MATN2: variants seen among roughly 807,000 people sequenced by gnomAD.
MATN2 encodes the protein matrilin 2.
MATN2 carries 69 observed loss-of-function variants against 103.2 expected under a neutral mutation model. That is an observed-to-expected ratio of 0.67 (90% CI 0.55 to 0.82). The LOEUF is 0.82. Among genes scored for constraint, MATN2 ranks in the 40% least tolerant of loss-of-function variants. The pLI, the probability that MATN2 is intolerant of heterozygous loss-of-function variation, is 0.00. For missense variants in MATN2, 1,023 were observed against 1,211.5 expected (o/e 0.84, Z 2.31); for synonymous variants, 429 against 450.2 (o/e 0.95, Z 0.60).
At chr8:97,964,934 A>G (rs561992926) in intron 5 of MATN2, among the ~76,000 whole-genome samples, 1 of 151,202 alleles carries the variant, frequency 6.6e-6, no homozygotes. Context: ...GGGTCTTGCT[A>G]TGTTGCCCAG....
chr8:98,021,691 A>C (rs1346865731), intron 13 of MATN2, among the ~76,000 whole-genome samples: 1 of 152,028 alleles, frequency 6.6e-6, no homozygotes, highest in Non-Finnish European at 1.5e-5. Context: ...AAAAAAAAAA[A>C]AACACAAAAG....
intron 1 of MATN2, chr8:97,887,812 A>G (rs981122342): frequency 1.2e-5 from 3 of 255,940 alleles, no homozygotes; most frequent in African/African-American, 6.7e-5. Context: ...TTCAGGATAG[A>G]TTTTTCTCAA....
At chr8:97,897,241 CAAGGTTGGGT>C in intron 2 of MATN2, among the ~76,000 whole-genome samples, 1 of 152,152 alleles carries the variant, frequency 6.6e-6, no homozygotes, top group Non-Finnish European at 1.5e-5. Context: ...GAGAAACCTA[CAAGGTTGGGT>C]GGGAATGGGC....
At chr8:97,960,856 C>A (rs1811290345) in intron 4 of MATN2, among the ~76,000 whole-genome samples, 1 of 152,180 alleles carries the variant, frequency 6.6e-6, no homozygotes, top group African/African-American at 2.4e-5. Flanking sequence ...GCTCTGTCGT[C>A]CAGGCTGGAG....
intron 4 of MATN2, among the ~76,000 whole-genome samples, chr8:97,958,225 C>G (rs1032009173): frequency 2.0e-5 from 3 of 152,134 alleles, no homozygotes; most frequent in African/African-American, 7.2e-5. Flanking sequence ...GTATTCACAC[C>G]ACTACTTGGT....
intron 1 of MATN2, 57 bp downstream of exon 1, chr8:97,869,344 G>A (rs937230478): frequency 6.6e-6 from 1 of 152,278 alleles, no homozygotes; most frequent in African/African-American, 2.4e-5. Flanking sequence ...CGAAGTGCAG[G>A]CGGACCGACC....
intron 6 of MATN2, among the ~76,000 whole-genome samples, chr8:97,992,885 G>A (rs1812444285): frequency 1.3e-5 from 2 of 151,138 alleles, no homozygotes; most frequent in South Asian, 2.1e-4. Flanking sequence ...GCGACATTGC[G>A]CTTCAGCCTG....
intron 4 of MATN2, among the ~76,000 whole-genome samples, chr8:97,945,717 A>AAAAATATATATATATATATAT (rs59472539): frequency 8.2e-6 from 1 of 121,810 alleles, no homozygotes; most frequent in African/African-American, 3.1e-5. Flanking sequence ...AAAAAAAAAA[A>AAAAATATATATATATATATAT]ATATATATAT....
chr8:98,028,962 C>T (rs947446964), intron 14 of MATN2, among the ~76,000 whole-genome samples: 1 of 152,124 alleles, frequency 6.6e-6, no homozygotes, highest in Non-Finnish European at 1.5e-5. Context: ...AAGGTATGCA[C>T]AGATCAAGGC....
intron 2 of MATN2, among the ~76,000 whole-genome samples, chr8:97,895,910 C>T (rs900958766): frequency 1.3e-5 from 2 of 152,224 alleles, no homozygotes; most frequent in Non-Finnish European, 2.9e-5. Context: ...CCCCCAGCCC[C>T]TTTATGGAAA....
At chr8:97,943,675 G>A (rs1036858563) in intron 4 of MATN2, among the ~76,000 whole-genome samples, 12 of 151,982 alleles carry the variant, frequency 7.9e-5, no homozygotes, top group Admixed American at 5.9e-4. Context: ...GGCTGCTCTC[G>A]AACTCCTGAG....
At chr8:97,988,189 T>TATATATATATATAC (rs71570279) in intron 6 of MATN2, among the ~76,000 whole-genome samples, 10 of 54,964 alleles carry the variant, frequency 1.8e-4, no homozygotes, top group African/African-American at 5.4e-4. Context: ...TATATATATA[T>TATATATATATATAC]ACACACACAC....
chr8:97,985,778 A>G (rs1812171216), intron 6 of MATN2, among the ~76,000 whole-genome samples: 1 of 152,224 alleles, frequency 6.6e-6, no homozygotes, highest in Admixed American at 6.5e-5. Context: ...CATGTTGCCC[A>G]GGCTGGTCTT....
Position 98,007,517 on chromosome 8 carries a change from T to C in MATN2, c.1489T>C (p.Tyr497His). The C allele has an allele frequency of 6.2e-7, 1 of 1,613,522 alleles. No individual in the cohort carries two copies. Among genetic ancestry groups the C allele is most frequent in the Non-Finnish European group, 8.5e-7 (1 of 1,179,502 alleles). The change falls in exon 10 of 19, where the codon TAC (tyrosine) becomes CAC (histidine). Residue 497 changes from tyrosine (Y) to histidine (H), a missense_variant. By Grantham distance (83) the Tyr-to-His change is moderately conservative (BLOSUM62 2). Transcript: ENST00000254898. This position sits in a 1 kb window ranked among gnomAD's most constrained non-coding sequence, Gnocchi z 4.2. ...CCTGCTGAGTGACCATGGTTGTGAA[T>C]ACTCCTGTGTCAACATGGACAGATC... ...YCLLSDHGCE[Y>H]SCVNMDRSFA... is the part of the protein sequence containing the mutation.
At chr8:97,999,089 T>C (rs1812697439) in intron 7 of MATN2, among the ~76,000 whole-genome samples, 1 of 152,248 alleles carries the variant, frequency 6.6e-6, no homozygotes, top group Non-Finnish European at 1.5e-5. Context: ...AGTGGAATCA[T>C]AGAATATTTG....
At chr8:97,938,538 A>G (rs575816040) in intron 3 of MATN2, among the ~76,000 whole-genome samples, 5 of 152,194 alleles carry the variant, frequency 3.3e-5, no homozygotes, top group Non-Finnish European at 5.9e-5. Flanking sequence ...GTGAAAGTGA[A>G]AACTTGGAAA....
chr8:97,961,292 A>G (rs1228927234), intron 4 of MATN2, 116 bp from the exon 5 acceptor site: 11 of 1,064,896 alleles, frequency 1.0e-5, no homozygotes, highest in East Asian at 8.2e-5. Flanking sequence ...AAACCTTACA[A>G]TGTTTTTAAA....
chr8:97,875,762 C>G (rs1229321279), intron 1 of MATN2, among the ~76,000 whole-genome samples: 1 of 124,168 alleles, frequency 8.1e-6, no homozygotes, highest in Non-Finnish European at 1.6e-5. Flanking sequence ...GTGGCTCGAT[C>G]TCGGCTCACT....
chr8:97,886,524 G>A (rs1818433212), intron 1 of MATN2, among the ~76,000 whole-genome samples: 1 of 152,336 alleles, frequency 6.6e-6, no homozygotes, highest in African/African-American at 2.4e-5. Flanking sequence ...TTGGCCCAGT[G>A]CCTGGCACAT....
Sources: allele counts gnomAD v4.1 joint callset (sites outside exome capture counted in the v4.1 genomes callset), GRCh38; gene constraint gnomAD v4.1.1; non-coding constraint Gnocchi (gnomAD v3.1); transcripts MANE v1.5; gene names NCBI Gene and HGNC (gene_info 2026-07-23, HGNC 2026-07-21).